Variants in ELAPOR1 observed in about 807,000 individuals in gnomAD.
ELAPOR1 encodes the protein endosome/lysosome-associated apoptosis and autophagy regulator 1.
A neutral mutation model predicts 119.7 loss-of-function variants in ELAPOR1; 77 were observed. The ratio of observed to expected loss-of-function variants is 0.64; its 90% confidence interval spans 0.54 to 0.78. ELAPOR1 has a LOEUF of 0.78. ELAPOR1 is among the 30% of genes least tolerant of loss of function. The pLI, the probability that ELAPOR1 is intolerant of heterozygous loss-of-function variation, is 0.00. For missense variants in ELAPOR1, 1,115 were observed against 1,270.4 expected, an observed-to-expected ratio of 0.88 and a Z score of 1.86; for synonymous variants, 481 against 487.2, an observed-to-expected ratio of 0.99 and a Z score of 0.17.
At chr1:109,122,920 G>A (rs957847376) in intron 1 of ELAPOR1, among the ~76,000 whole-genome samples, 1 of 152,218 alleles carries the variant, frequency 6.6e-6, no homozygotes, top group African/African-American at 2.4e-5. Flanking sequence ...TGGCACCAGA[G>A]TAAGACCCTG....
intron 1 of ELAPOR1, among the ~76,000 whole-genome samples, chr1:109,144,055 T>TATATATATATATATA (rs1558029151): frequency 7.8e-5 from 5 of 64,354 alleles, no homozygotes; most frequent in African/African-American, 2.3e-4. Context: ...ATATATATAT[T>TATATATATATATATA]TATATATTTT....
chr1:109,185,319 G>C lies in ELAPOR1; in HGVS notation c.1041+186G>C, dbSNP rs184911535. Among the ~76,000 whole-genome samples, 144 of 152,196 alleles carry C rather than the reference G, an allele frequency of 9.5e-4. 1 individual carries two copies. The highest frequency in any genetic ancestry group is 3.3e-3 in the African/African-American group (139 of 41,542). On this transcript the variant is annotated intron_variant, in intron 8 of 21. Coordinates refer to ENST00000369939, the MANE Select transcript of ELAPOR1 (RefSeq NM_020775.5). ...AACGAGACCTCTTCATTCATTTTCC[G>C]GTCAGAAACTGTTTTTGCAGCGTTT...
chr1:109,173,982 T>C lies in ELAPOR1; in HGVS notation c.952+145T>C. On this transcript the variant is annotated intron_variant, in intron 7 of 21. Transcript: ENST00000369939. ...TTCCTTTCTGGATCCTGGAATACCCTTGCCAATCCATATATCCATTAATCA... is the reference window on the plus strand; with the variant it reads ...TTCCTTTCTGGATCCTGGAATACCCCTGCCAATCCATATATCCATTAATCA... The C allele has an allele frequency of 4.6e-6, 4 of 867,368 alleles. No individual in the cohort carries two copies. In the South Asian group the frequency reaches 7.0e-5, roughly 15 times the overall value. 53.7% of individuals were successfully genotyped at this position (867,368 alleles called of 1,614,324 possible).
At chr1:109,155,001 G>A (rs1393367157) in intron 1 of ELAPOR1, among the ~76,000 whole-genome samples, 1 of 152,094 alleles carries the variant, frequency 6.6e-6, no homozygotes, top group South Asian at 2.1e-4. Context: ...TTTGGGATGT[G>A]TGTTTATGTG....
Position 109,200,791 on chromosome 1 carries a change from T to C in ELAPOR1, c.2864T>C (p.Leu955Pro), listed in dbSNP as rs775082231. Residue 955 changes from leucine (L) to proline (P), a missense_variant, in exon 21 of 22, where the codon CTG becomes CCG. Leu to Pro is a moderately conservative substitution (Grantham distance 98, BLOSUM62 -3). Coordinates refer to ENST00000369939, the MANE Select transcript of ELAPOR1 (RefSeq NM_020775.5). ...AATGCTACTCTCAAGGACTGTGACC[T>C]GCCAGCAGCTGACAGCTGCGCCATC... Reference protein sequence around the residue: ...VMNATLKDCDLPAADSCAIME... With the variant: ...VMNATLKDCDPPAADSCAIME... The C allele has an allele frequency of 6.2e-7, 1 of 1,614,224 alleles. No homozygotes were observed. The highest frequency in any genetic ancestry group is 1.7e-5 in the Admixed American group (1 of 60,026).
intron 11 of ELAPOR1, among the ~76,000 whole-genome samples, 188 bp from the exon 12 acceptor site, chr1:109,191,178 A>C (rs542072565): frequency 6.6e-6 from 1 of 152,214 alleles, no homozygotes; most frequent in South Asian, 2.1e-4. Context: ...CATTTTACAG[A>C]TAAGGAAACC....
Position 109,164,705 on chromosome 1 carries a change from C to A in ELAPOR1, c.467+14C>A. On this transcript the variant is annotated intron_variant, in intron 3 of 21. Transcript: ENST00000369939. Reference sequence around the variant, plus strand: ...GAACTGTACTTCGTGAGTCTGCACACACCCCCACCCCACCCCCAGCCCACT... The same window carrying A: ...GAACTGTACTTCGTGAGTCTGCACAAACCCCCACCCCACCCCCAGCCCACT... 1 of 1,599,448 alleles carries A rather than the reference C, an allele frequency of 6.3e-7. No homozygotes were observed. The highest frequency in any genetic ancestry group is 8.5e-7 in the Non-Finnish European group (1 of 1,169,618).
chr1:109,150,217 T>C (rs1051858329), intron 1 of ELAPOR1, among the ~76,000 whole-genome samples: 32 of 152,138 alleles, frequency 2.1e-4, no homozygotes, highest in African/African-American at 7.5e-4. Context: ...GATATGTCCA[T>C]AGCTAAGCCA....
At chr1:109,173,603 T>C in intron 6 of ELAPOR1, 24 bp downstream of exon 6, 1 of 1,613,498 alleles carries the variant, frequency 6.2e-7, no homozygotes, top group Middle Eastern at 1.7e-4. Context: ...GGTTACTGAC[T>C]TCCTGGGCTG....
chr1:109,172,647 G>C, intron 5 of ELAPOR1, 79 bp downstream of exon 5: 1 of 1,018,492 alleles, frequency 9.8e-7, no homozygotes, highest in East Asian at 2.5e-5. Flanking sequence ...CTTCCTCCCA[G>C]TCTGAGCCTC....
intron 7 of ELAPOR1, among the ~76,000 whole-genome samples, chr1:109,179,584 G>T (rs1652575361): frequency 6.6e-6 from 1 of 151,984 alleles, no homozygotes; most frequent in Non-Finnish European, 1.5e-5. Flanking sequence ...AAAAAATTGG[G>T]ATTTGATCCT....
intron 1 of ELAPOR1, among the ~76,000 whole-genome samples, chr1:109,115,563 G>A (rs1199085360): frequency 6.6e-6 from 1 of 152,162 alleles, no homozygotes; most frequent in African/African-American, 2.4e-5. Flanking sequence ...ATAAGAATGA[G>A]CCACTGCGCC....
intron 1 of ELAPOR1, among the ~76,000 whole-genome samples, chr1:109,151,836 G>C (rs1425017834): frequency 2.0e-5 from 3 of 150,796 alleles, no homozygotes; most frequent in Non-Finnish European, 4.4e-5. Flanking sequence ...GCTATACCCA[G>C]CTCCAGGGCA....
chr1:109,182,058 A>G (rs1004518755), intron 7 of ELAPOR1, among the ~76,000 whole-genome samples: 7 of 152,170 alleles, frequency 4.6e-5, no homozygotes, highest in South Asian at 2.1e-4. Flanking sequence ...CCGGCTGGGC[A>G]TGGTGGCTCA....
rs2101164847 is a variant in ELAPOR1, at chr1:109,205,886, T to C, written c.*2874T>C. 1 of 152,372 alleles carries C rather than the reference T, an allele frequency of 6.6e-6. No individual in the cohort carries two copies. Among genetic ancestry groups the C allele is most frequent in the South Asian group, 2.1e-4 (1 of 4,832 alleles). 9.4% of individuals were successfully genotyped at this position (152,372 alleles called of 1,614,324 possible). The stretch of plus-strand genomic sequence containing the variant: ...CCCCTAGCAAGTTAGGCATGTCATA[T>C]ATTTTTAACAGCTTTATTGAGATAT... On this transcript the variant is annotated 3_prime_UTR_variant, in exon 22 of 22. Coordinates refer to ENST00000369939, the MANE Select transcript of ELAPOR1 (RefSeq NM_020775.5).
At chr1:109,148,072 C>T (rs939413232) in intron 1 of ELAPOR1, among the ~76,000 whole-genome samples, 5 of 151,332 alleles carry the variant, frequency 3.3e-5, no homozygotes, top group East Asian at 1.9e-4. Context: ...CTCCTGACCT[C>T]GTGATCCACC....
At chr1:109,200,605 A>G in intron 20 of ELAPOR1, 130 bp from the exon 21 acceptor site, 1 of 837,788 alleles carries the variant, frequency 1.2e-6, no homozygotes. Flanking sequence ...CCCTGACACC[A>G]TTTTACCATG....
rs1214463902 is a variant in ELAPOR1, at chr1:109,189,172, C to G, written c.1326C>G (p.Asn442Lys). The G allele has an allele frequency of 6.2e-7, 1 of 1,614,060 alleles. No individual in the cohort carries two copies. The highest frequency in any genetic ancestry group is 8.5e-7 in the Non-Finnish European group (1 of 1,179,982). The change falls in exon 10 of 22, where the codon AAC becomes AAG. Residue 442 changes from asparagine to lysine, a missense_variant. By Grantham distance (94) the Asn-to-Lys change is moderately conservative. Transcript: ENST00000369939. ...NMETTVLSGI[N>K]FEYKGMTGWE... ...AAACGACCGTTCTCAGTGGGATCAA[C>G]TTCGAGTACAAGGGCATGACAGGTA...
At chr1:109,129,599 T>G (rs916349494) in intron 1 of ELAPOR1, among the ~76,000 whole-genome samples, 3 of 152,180 alleles carry the variant, frequency 2.0e-5, no homozygotes, top group African/African-American at 7.2e-5. Context: ...GAACAAGTGG[T>G]TGCCAGCAGT....
Sources: allele counts gnomAD v4.1 joint callset (sites outside exome capture counted in the v4.1 genomes callset), GRCh38; gene constraint gnomAD v4.1.1; transcripts MANE v1.5; gene names NCBI Gene and HGNC (gene_info 2026-07-23, HGNC 2026-07-21).